The following SOS2 variants were observed in gnomAD, a reference collection of about 807,000 sequenced individuals.
The protein encoded by SOS2 is SOS Ras/Rho guanine nucleotide exchange factor 2.
A neutral mutation model predicts 148.2 loss-of-function variants in SOS2; 65 were observed. That is an observed-to-expected ratio of 0.44 (90% CI 0.36 to 0.54). SOS2 has a LOEUF of 0.54. SOS2 is among the 20% of genes least tolerant of loss of function. The probability of loss-of-function intolerance (pLI) is 0.00; values close to 1 mark genes in which losing one functional copy is unlikely to be tolerated. For synonymous variants in SOS2, 539 were observed against 537.1 expected (o/e 1.00, Z -0.05); for missense variants, 1,341 against 1,590.2 (o/e 0.84, Z 2.67).
In SOS2 at chr14:50,134,174, G is replaced by T; in HGVS notation, c.3024C>A (p.Phe1008Leu). 1 of 1,609,436 alleles carries T rather than the reference G, an allele frequency of 6.2e-7. No homozygotes were observed. The highest frequency in any genetic ancestry group is 1.1e-5 in the South Asian group (1 of 90,578). ...GAGGTTCAATTTCTAGTGACTTGTT[G>T]AACAAATAATCTGTAAACTCTTTTT... ...ASEKEFTDYL[F>L]NKSLEIEPRN... Residue 1008 changes from phenylalanine (F) to leucine (L), a missense_variant, in exon 19 of 23, where the codon TTC (phenylalanine) becomes TTA (leucine). This residue lies in a region of SOS2 where 408 missense variants were observed against 506.6 expected (regional missense o/e 0.81). Transcript: ENST00000216373.
At chr14:50,217,076 C>T (rs1006167016) in intron 1 of SOS2, among the ~76,000 whole-genome samples, 1 of 152,198 alleles carries the variant, frequency 6.6e-6, no homozygotes, top group Middle Eastern at 3.4e-3. Context: ...CTATGGTAAC[C>T]AAAACAGTAC....
chr14:50,186,188 T>C (rs2139724293), intron 5 of SOS2, among the ~76,000 whole-genome samples: 1 of 152,218 alleles, frequency 6.6e-6, no homozygotes, highest in African/African-American at 2.4e-5. Flanking sequence ...TTTTACTTAA[T>C]GCTAAAAAAA....
In SOS2 at chr14:50,224,312, T is replaced by C. The variant is rs535613369; in HGVS notation, c.87+6885A>G. On this transcript the variant is annotated intron_variant, in intron 1 of 22. Transcript: ENST00000216373. The stretch of plus-strand genomic sequence containing the variant: ...TCTCAGGAAAAAAAAAAAATATATA[T>C]ATACACACACACACACACACACACA... 7.0e-3 allele frequency among the ~76,000 whole-genome samples: 375 copies of C among 53,218 alleles called. 3 individuals are homozygous for C. The highest frequency in any genetic ancestry group is 0.026 in the South Asian group (34 of 1,300). The allele number at this position is 53,218 out of a possible 152,430, so 34.9% of individuals were successfully genotyped here.
At chr14:50,121,256 T>C (rs1246584646) in intron 21 of SOS2, among the ~76,000 whole-genome samples, 28 of 152,168 alleles carry the variant, frequency 1.8e-4, no homozygotes, top group Admixed American at 1.8e-3. Context: ...AGACATATAA[T>C]AATTACTATC....
At chr14:50,127,867 A>T (rs1883733770) in intron 21 of SOS2, among the ~76,000 whole-genome samples, 1 of 152,232 alleles carries the variant, frequency 6.6e-6, no homozygotes, top group Non-Finnish European at 1.5e-5. Context: ...TAGACTTTTC[A>T]GCAGGAATTA....
At chr14:50,209,469 GCAAA>G (rs1886791452) in intron 1 of SOS2, among the ~76,000 whole-genome samples, 1 of 152,018 alleles carries the variant, frequency 6.6e-6, no homozygotes, top group South Asian at 2.1e-4. Flanking sequence ...AACAAAGCTA[GCAAA>G]CAAAATTTTT....
At chr14:50,221,724 G>A (rs1315686251) in intron 1 of SOS2, among the ~76,000 whole-genome samples, 1 of 152,078 alleles carries the variant, frequency 6.6e-6, no homozygotes, top group Non-Finnish European at 1.5e-5. Flanking sequence ...TGCAGTCCTA[G>A]CTACTCAGGA....
chr14:50,172,419 C>CTTTTTTGTTTTTT, intron 8 of SOS2, among the ~76,000 whole-genome samples: 1 of 82,766 alleles, frequency 1.2e-5, no homozygotes, highest in East Asian at 4.5e-4. Context: ...TTATTCATTC[C>CTTTTTTGTTTTTT]TTTTTTTTTT....
chr14:50,149,831 T>C (rs1446361611), intron 14 of SOS2, among the ~76,000 whole-genome samples, 177 bp downstream of exon 14: 1 of 152,198 alleles, frequency 6.6e-6, no homozygotes, highest in East Asian at 1.9e-4. Context: ...AGTCTAGACA[T>C]AAGACTTTTA....
chr14:50,193,603 T>C (rs1178640374), intron 4 of SOS2, among the ~76,000 whole-genome samples: 1 of 152,142 alleles, frequency 6.6e-6, no homozygotes, highest in Admixed American at 6.6e-5. Context: ...CTAGAAACCA[T>C]ATATTCAAAT....
intron 1 of SOS2, 100 bp downstream of exon 1, chr14:50,231,097 G>GC: frequency 1.5e-6 from 1 of 688,506 alleles, no homozygotes; most frequent in South Asian, 6.1e-5. Context: ...AAACGGCTCG[G>GC]CCCCGGGGAC....
intron 7 of SOS2, among the ~76,000 whole-genome samples, chr14:50,180,327 C>G (rs926991484): frequency 1.4e-5 from 2 of 145,128 alleles, no homozygotes; most frequent in Non-Finnish European, 3.0e-5. Flanking sequence ...TACCCCAGAT[C>G]TAGTATGTGC....
chr14:50,148,546 G>A (rs1456075398), intron 14 of SOS2, among the ~76,000 whole-genome samples: 1 of 152,010 alleles, frequency 6.6e-6, no homozygotes, highest in Non-Finnish European at 1.5e-5. Flanking sequence ...TACATTGTGA[G>A]AAAAAACATG....
intron 17 of SOS2, 77 bp downstream of exon 17, chr14:50,139,865 T>G: frequency 1.6e-6 from 1 of 643,570 alleles, no homozygotes; most frequent in Non-Finnish European, 2.8e-6. Flanking sequence ...AAAATAAAGA[T>G]AACATGCCTC....
chr14:50,128,675 A>G (rs970336034), intron 21 of SOS2, among the ~76,000 whole-genome samples: 2 of 152,336 alleles, frequency 1.3e-5, no homozygotes, highest in South Asian at 4.1e-4. Flanking sequence ...GAGAACAAGA[A>G]AAGGAGTGGG....
chr14:50,136,570 A>AT (rs1257411882), intron 18 of SOS2, among the ~76,000 whole-genome samples: 2 of 146,862 alleles, frequency 1.4e-5, no homozygotes, highest in Non-Finnish European at 3.0e-5. Flanking sequence ...TACCACCTTT[A>AT]TTTTTTTTAA....
chr14:50,211,174 T>C (rs1241675169), intron 1 of SOS2, among the ~76,000 whole-genome samples: 1 of 152,086 alleles, frequency 6.6e-6, no homozygotes, highest in African/African-American at 2.4e-5. Context: ...TGGTGTAAAA[T>C]ACAAACCAGA....
chr14:50,209,733 G>C (rs892312535), intron 1 of SOS2, among the ~76,000 whole-genome samples: 1 of 147,162 alleles, frequency 6.8e-6, no homozygotes, highest in African/African-American at 2.5e-5. Flanking sequence ...ACTCCAGCTT[G>C]GGTGAGAGTG....
chr14:50,147,864 G>A (rs1228359274), intron 14 of SOS2, among the ~76,000 whole-genome samples: 1 of 151,964 alleles, frequency 6.6e-6, no homozygotes, highest in Non-Finnish European at 1.5e-5. Context: ...GCTCACACCT[G>A]TAATCCCAGC....
Sources: allele counts gnomAD v4.1 joint callset (sites outside exome capture counted in the v4.1 genomes callset), GRCh38; gene constraint gnomAD v4.1.1; regional missense constraint gnomAD v4.1.1; transcripts MANE v1.5; gene names NCBI Gene and HGNC (gene_info 2026-07-23, HGNC 2026-07-21).